The following RAB37 variants were observed in gnomAD, a reference collection of about 807,000 sequenced individuals.
The protein encoded by RAB37 is ras-related protein Rab-37.
In RAB37, 29 loss-of-function variants were observed where a neutral mutation model predicts 33.1. That is an observed-to-expected ratio of 0.88 (90% confidence interval 0.65 to 1.20). The LOEUF (loss-of-function observed/expected upper bound fraction) is 1.20. Ranked by LOEUF, RAB37 falls within the 50% of genes most tolerant of loss-of-function variation. RAB37 has a pLI of 0.00. For missense variants in RAB37, 299 were observed against 301.1 expected, an observed-to-expected ratio of 0.99 and a Z score of 0.05; for synonymous variants, 128 against 119.5, an observed-to-expected ratio of 1.07 and a Z score of -0.47.
In RAB37 at chr17:74,729,521, G is replaced by A. The variant is rs2034358712; in HGVS notation, c.183+155G>A. Among the ~76,000 whole-genome samples the A allele has an allele frequency of 6.6e-6, 1 of 152,030 alleles. No individual in the cohort carries two copies. The highest frequency in any genetic ancestry group is 1.9e-4 in the East Asian group (1 of 5,148). ...TCCCCAAGGTGTAGGAGGGTGTTGG[G>A]TGACCAGGAGGGAGGGTATACTGCC... is the stretch of plus-strand genomic sequence containing the variant. On this transcript the variant is annotated intron_variant, in intron 2 of 7. Coordinates refer to the RAB37 transcript ENST00000340415. This position sits in a 1 kb window ranked among gnomAD's most constrained non-coding sequence, Gnocchi z 4.2.
chr17:74,741,796 C>A (rs2034625146), intron 2 of RAB37, among the ~76,000 whole-genome samples: 1 of 152,182 alleles, frequency 6.6e-6, no homozygotes, highest in Non-Finnish European at 1.5e-5. Context: ...ACTTCCTTCA[C>A]TAGAGAATTA....
At chr17:74,672,213 G>A (rs2031721468) in intron 1 of RAB37, among the ~76,000 whole-genome samples, 1 of 152,078 alleles carries the variant, frequency 6.6e-6, no homozygotes, top group South Asian at 2.1e-4. Flanking sequence ...CTTCACTCAA[G>A]TTTCTTATGC....
intron 1 of RAB37, among the ~76,000 whole-genome samples, chr17:74,705,030 C>A (rs1598258728): frequency 1.3e-5 from 2 of 152,294 alleles, no homozygotes; most frequent in African/African-American, 4.8e-5. Context: ...CGGATCCCCC[C>A]AAAAATAAAA....
chr17:74,742,223 C>T lies in RAB37; in HGVS notation c.205-31C>T. The T allele has an allele frequency of 6.2e-7, 1 of 1,610,916 alleles. No individual in the cohort carries two copies. Among genetic ancestry groups the T allele is most frequent in the Non-Finnish European group, 8.5e-7 (1 of 1,178,274 alleles). ...GAGCTGAGGAGCCACATGACTCCTG[C>T]CCTCCCATCCTCTGCCTTTTTCTCT... is the stretch of plus-strand genomic sequence containing the variant. On this transcript the variant is annotated intron_variant, in intron 2 of 8. Transcript: ENST00000392613. The surrounding 1 kb of genome is among the most constrained non-coding windows in gnomAD (Gnocchi z 4.0).
chr17:74,745,168 C>G lies in RAB37; in HGVS notation c.566+84C>G. ...AGTAGGGCCCGGCCCCTGGCCCAGCCCCTGGACACACCTGCATTCTGCAGG... is the reference window on the plus strand; with the variant it reads ...AGTAGGGCCCGGCCCCTGGCCCAGCGCCTGGACACACCTGCATTCTGCAGG... On this transcript the variant is annotated intron_variant, in intron 8 of 8. Coordinates refer to ENST00000392613, the MANE Select transcript of RAB37 (RefSeq NM_001006638.3). The surrounding 1 kb of genome is among the most constrained non-coding windows in gnomAD (Gnocchi z 4.5). 6.4e-7 allele frequency: 1 copy of G among 1,552,174 alleles called. No homozygotes were observed. The highest frequency in any genetic ancestry group is 8.9e-7 in the Non-Finnish European group (1 of 1,126,352).
chr17:74,740,884 G>T lies in RAB37; in HGVS notation c.204+6G>T, dbSNP rs376132309. ...CCGTCGGCATAGACTTCAGGGTGAG[G>T]TGGCTGCAGGCACTTGCTTCCAGCA... On this transcript the variant is annotated splice_donor_region_variant and intron_variant, in intron 2 of 8. Coordinates refer to ENST00000392613, the MANE Select transcript of RAB37 (RefSeq NM_001006638.3). The T allele has an allele frequency of 3.9e-4, 622 of 1,594,902 alleles. 2 individuals are homozygous for T. The highest frequency in any genetic ancestry group is 1.5e-3 in the Middle Eastern group (9 of 6,014).
chr17:74,725,804 A>G (rs2034299414), intron 1 of RAB37, among the ~76,000 whole-genome samples: 1 of 151,884 alleles, frequency 6.6e-6, no homozygotes, highest in Non-Finnish European at 1.5e-5. Flanking sequence ...TTGTATTTTT[A>G]GTAGAGACAG....
chr17:74,722,534 G>A (rs2034256245), intron 1 of RAB37, among the ~76,000 whole-genome samples: 1 of 152,182 alleles, frequency 6.6e-6, no homozygotes, highest in Admixed American at 6.5e-5. Flanking sequence ...GCTTGGAGAT[G>A]TTAACAACAT....
In RAB37 at chr17:74,745,465, C is replaced by G. The variant is rs1293184128; in HGVS notation, c.*54C>G. The G allele has an allele frequency of 2.0e-5, 28 of 1,434,992 alleles. No homozygotes were observed. The East Asian group carries it at 5.7e-4, about 29-fold the overall frequency. The allele number at this position is 1,434,992 out of a possible 1,614,324, so 88.9% of individuals were successfully genotyped here. On this transcript the variant is annotated 3_prime_UTR_variant, in exon 9 of 9. Transcript: ENST00000392613. This position sits in a 1 kb window ranked among gnomAD's most constrained non-coding sequence, Gnocchi z 4.5. Reference sequence around the variant, plus strand: ...AGGCACACAGGATGCAGCCTTCCCCCTCCCAGGCCTGGCTTATTCCAAGAG... The same window carrying G: ...AGGCACACAGGATGCAGCCTTCCCCGTCCCAGGCCTGGCTTATTCCAAGAG...
chr17:74,699,235 T>C lies in RAB37; in HGVS notation c.72+27577T>C, dbSNP rs188045826. Among the ~76,000 whole-genome samples the C allele has an allele frequency of 4.3e-3, 647 of 152,176 alleles. 8 individuals are homozygous for C. The highest frequency in any genetic ancestry group is 0.022 in the South Asian group (104 of 4,816). ...CCCGGCCTTAACAAAAGATAGTTTT[T>C]AAAAGGAGAAAAGGGTTCCATGAGG... is the stretch of plus-strand genomic sequence containing the variant. On this transcript the variant is annotated intron_variant, in intron 1 of 7. Coordinates refer to the RAB37 transcript ENST00000340415.
intron 1 of RAB37, chr17:74,704,912 G>A (rs2033386946): frequency 1.0e-6 from 1 of 967,276 alleles, no homozygotes. Flanking sequence ...AAGTTTCACA[G>A]GTTAAATAAC....
At chr17:74,708,719 A>G (rs1339237846) in intron 1 of RAB37, among the ~76,000 whole-genome samples, 5 of 152,158 alleles carry the variant, frequency 3.3e-5, no homozygotes, top group Non-Finnish European at 5.9e-5. Flanking sequence ...GATCGAGACC[A>G]TCCTGGCTAA....
intron 1 of RAB37, among the ~76,000 whole-genome samples, chr17:74,686,421 C>T (rs1265001624): frequency 1.3e-5 from 2 of 151,840 alleles, no homozygotes; most frequent in African/African-American, 4.8e-5. Flanking sequence ...GATGGAGTCT[C>T]GCTCTGTTGC....
Position 74,743,146 on chromosome 17 carries a change from G to A in RAB37, c.264G>A (p.Gly88=). 2 of 1,613,554 alleles carry A rather than the reference G, an allele frequency of 1.2e-6. No individual in the cohort carries two copies. Among genetic ancestry groups the A allele is most frequent in the Non-Finnish European group, 1.7e-6 (2 of 1,179,682 alleles). Residue 88 remains glycine, a synonymous_variant, in exon 4 of 9, where the codon GGG becomes GGA. Transcript: ENST00000392613. ...RVKLQIWDTA[G]QERFRSVTHA... ...CTTCCCAGATCTGGGACACCGCTGG[G>A]CAGGAACGGTTCCGAAGCGTCACCC... is the stretch of plus-strand genomic sequence containing the variant.
At chr17:74,702,573 A>G (rs2033151353) in intron 1 of RAB37, among the ~76,000 whole-genome samples, 1 of 152,124 alleles carries the variant, frequency 6.6e-6, no homozygotes, top group Non-Finnish European at 1.5e-5. Flanking sequence ...TAAGGGAAAC[A>G]GGACTTCCCC....
intron 1 of RAB37, among the ~76,000 whole-genome samples, chr17:74,711,688 C>T (rs924188152): frequency 5.5e-4 from 83 of 152,098 alleles, no homozygotes; most frequent in African/African-American, 1.9e-3. Flanking sequence ...AAGCTGGTCC[C>T]GATCCTGTGT....
chr17:74,681,376 G>T (rs536746200), intron 1 of RAB37, among the ~76,000 whole-genome samples: 1 of 152,312 alleles, frequency 6.6e-6, no homozygotes, highest in Non-Finnish European at 1.5e-5. Context: ...TCAACACAGG[G>T]ATCCCTTCAA....
chr17:74,672,313 T>A (rs1363546485), intron 1 of RAB37, among the ~76,000 whole-genome samples: 1 of 151,852 alleles, frequency 6.6e-6, no homozygotes, highest in African/African-American at 2.4e-5. Flanking sequence ...TAATTCAAAA[T>A]CCATCACTCT....
At chr17:74,727,851 T>C (rs2034324555) in intron 1 of RAB37, among the ~76,000 whole-genome samples, 2 of 152,038 alleles carry the variant, frequency 1.3e-5, no homozygotes. Flanking sequence ...TGTGTTTTTA[T>C]GTGTGTGTGT....
Sources: gnomAD v4.1 joint callset for allele counts (sites outside exome capture counted in the v4.1 genomes callset) on GRCh38, gnomAD v4.1.1 for gene constraint, Gnocchi (gnomAD v3.1) non-coding constraint, MANE v1.5 for transcripts, NCBI Gene and HGNC (gene_info 2026-07-23, HGNC 2026-07-21) for gene names.